KIF24: variants seen among roughly 807,000 people sequenced by gnomAD.
KIF24 encodes kinesin family member 24, also known as kinesin-like protein KIF24.
Under a neutral mutation model 118.9 loss-of-function variants are expected in KIF24, and 81 were observed. That is an observed-to-expected ratio of 0.68 (90% CI 0.57 to 0.82). The LOEUF is 0.82. Ranked by LOEUF, KIF24 falls within the 40% of genes least tolerant of loss-of-function variation. The pLI, the probability that KIF24 is intolerant of heterozygous loss-of-function variation, is 0.00. For synonymous variants in KIF24, 599 were observed against 610.0 expected (o/e 0.98, Z 0.27); for missense variants, 1,560 against 1,661.6 (o/e 0.94, Z 1.06).
At chr9:34,292,032 G>A (rs1836273980) in intron 4 of KIF24, among the ~76,000 whole-genome samples, 1 of 152,120 alleles carries the variant, frequency 6.6e-6, no homozygotes, top group Non-Finnish European at 1.5e-5. Flanking sequence ...TTTCACCCTG[G>A]CAATGTCAAT....
chr9:34,317,044 G>A (rs1007696762), intron 1 of KIF24, among the ~76,000 whole-genome samples: 9 of 151,974 alleles, frequency 5.9e-5, no homozygotes, highest in Admixed American at 1.3e-4. Flanking sequence ...GTGAAACGCC[G>A]TCTCTGCTAA....
chr9:34,280,417 G>A (rs1382581750), intron 6 of KIF24, among the ~76,000 whole-genome samples: 1 of 151,212 alleles, frequency 6.6e-6, no homozygotes, highest in African/African-American at 2.4e-5. Context: ...CTGAGTGTTT[G>A]CTTCTTTCGC....
rs989522043 is a variant in KIF24, at chr9:34,329,214, C to A, written c.-134G>T. ...AACAGTCCCGTCAACCCGGGAGCCA[C>A]CGGCGGCGGCCAGGCCGCATCTCCA... On this transcript the variant is annotated 5_prime_UTR_variant, in exon 1 of 13. Coordinates refer to ENST00000402558, the MANE Select transcript of KIF24 (RefSeq NM_194313.4). Among the ~76,000 whole-genome samples the A allele has an allele frequency of 3.3e-5, 5 of 152,252 alleles. No homozygotes were observed. Among genetic ancestry groups the A allele is most frequent in the East Asian group, 3.8e-4 (2 of 5,202 alleles).
At chr9:34,300,165 A>C (rs1398349796) in intron 3 of KIF24, among the ~76,000 whole-genome samples, 2 of 152,186 alleles carry the variant, frequency 1.3e-5, no homozygotes, top group Non-Finnish European at 2.9e-5. Context: ...CAAGTTAGAG[A>C]AAAAGTTACA....
chr9:34,266,552 C>T (rs183817482), intron 8 of KIF24, among the ~76,000 whole-genome samples: 1 of 152,056 alleles, frequency 6.6e-6, no homozygotes, highest in Admixed American at 6.6e-5. Flanking sequence ...GTGGCAGGTG[C>T]CTGTAATCCC....
chr9:34,316,044 A>T (rs544170943), intron 1 of KIF24, among the ~76,000 whole-genome samples: 2 of 149,286 alleles, frequency 1.3e-5, no homozygotes, highest in East Asian at 2.0e-4. Flanking sequence ...CAAAAAAAAA[A>T]ATTTTTTTAG....
rs576528958 is a variant in KIF24, at chr9:34,311,684, A to C, written c.-25-313T>G. ...TACATATATACGTGTATATGTATAT[A>C]TATACGTATATATGTACATATATAC... On this transcript the variant is annotated intron_variant, in intron 1 of 12. Transcript: ENST00000402558. 3.8e-3 allele frequency among the ~76,000 whole-genome samples: 571 copies of C among 148,474 alleles called. 1 individual carries two copies. The highest frequency in any genetic ancestry group is 0.013 in the African/African-American group (539 of 40,872).
chr9:34,312,909 G>A (rs1837216464), intron 1 of KIF24, among the ~76,000 whole-genome samples: 1 of 152,154 alleles, frequency 6.6e-6, no homozygotes, highest in Admixed American at 6.5e-5. Flanking sequence ...ATGTTGGCCA[G>A]GCTGGTCTCG....
intron 1 of KIF24, among the ~76,000 whole-genome samples, chr9:34,323,749 C>T (rs1428864089): frequency 6.6e-6 from 1 of 152,112 alleles, no homozygotes; most frequent in South Asian, 2.1e-4. Context: ...GGAGTGACAT[C>T]GAGAAAGCAA....
At chr9:34,306,193 CAA>C in intron 3 of KIF24, 57 bp downstream of exon 3, 4 of 1,186,038 alleles carry the variant, frequency 3.4e-6, no homozygotes, top group Non-Finnish European at 3.6e-6. Context: ...AAACAAAAAG[CAA>C]AAAAAAATGA....
intron 1 of KIF24, among the ~76,000 whole-genome samples, chr9:34,327,797 T>TGCACTA (rs1425492802): frequency 6.6e-6 from 1 of 151,188 alleles, no homozygotes; most frequent in African/African-American, 2.4e-5. Context: ...ATCATGCTAG[T>TGCACTA]GCACTACAGC....
In KIF24 at chr9:34,255,865, T is replaced by C. The variant is rs1217541049; in HGVS notation, c.3742A>G (p.Ser1248Gly). ...STDPIKLPCN[S>G]ENVTWLKPRP... The stretch of plus-strand genomic sequence containing the variant: ...GGTTTGAGCCATGTGACATTTTCAC[T>C]GTTGCAGGGCAACTTGATGGGGTCT... The change falls in exon 11 of 13, where the codon AGT becomes GGT. Residue 1248 changes from serine to glycine, a missense_variant. Around this residue, in one of 3 missense-constraint regions of KIF24, gnomAD observed 591 missense variants for 655.6 expected, o/e 0.90. Transcript: ENST00000402558. 3.7e-6 allele frequency: 6 copies of C among 1,614,048 alleles called. No individual in the cohort carries two copies. The highest frequency in any genetic ancestry group is 5.1e-6 in the Non-Finnish European group (6 of 1,179,886).
chr9:34,255,729 A>G lies in KIF24; in HGVS notation c.3872+6T>C. The G allele has an allele frequency of 1.9e-6, 3 of 1,602,600 alleles. No individual in the cohort carries two copies. The highest frequency in any genetic ancestry group is 2.6e-6 in the Non-Finnish European group (3 of 1,173,862). On this transcript the variant is annotated splice_donor_region_variant and intron_variant, in intron 11 of 12. Coordinates refer to ENST00000402558, the MANE Select transcript of KIF24 (RefSeq NM_194313.4). ...GCTCAAGTCTTAGGGAAAGTGTCCAACTTACTGCGCTTGCTCCAGGGTGGG... is the reference window on the plus strand; with the variant it reads ...GCTCAAGTCTTAGGGAAAGTGTCCAGCTTACTGCGCTTGCTCCAGGGTGGG...
At chr9:34,330,683 C>T (rs1298059496), upstream of KIF24, among the ~76,000 whole-genome samples, 1 of 152,172 alleles carries the variant, frequency 6.6e-6, no homozygotes, top group East Asian at 1.9e-4. Flanking sequence ...TGGTAGCGGC[C>T]GGGCGCGGTG....
Position 34,269,252 on chromosome 9 carries a change from C to T in KIF24, c.1443+5G>A, listed in dbSNP as rs1431062115. The stretch of plus-strand genomic sequence containing the variant: ...TTTTTAGATTAAAGATTTTGAACAA[C>T]TTACAGCCAGTAGACTCTGATTTAT... On this transcript the variant is annotated splice_donor_5th_base_variant and intron_variant, in intron 8 of 12. Coordinates refer to ENST00000402558, the MANE Select transcript of KIF24 (RefSeq NM_194313.4). 2.6e-6 allele frequency: 4 copies of T among 1,562,076 alleles called. No individual in the cohort carries two copies. Among genetic ancestry groups the T allele is most frequent in the Admixed American group, 3.4e-5 (2 of 58,652 alleles).
chr9:34,286,509 GC>G, intron 6 of KIF24, 107 bp downstream of exon 6: 1 of 717,460 alleles, frequency 1.4e-6, no homozygotes, highest in Non-Finnish European at 2.5e-6. Context: ...GCTTGTCATT[GC>G]CCTTTGCCTA....
intron 1 of KIF24, among the ~76,000 whole-genome samples, chr9:34,321,241 A>G (rs1837509489): frequency 6.6e-6 from 1 of 152,170 alleles, no homozygotes; most frequent in Admixed American, 6.6e-5. Context: ...TATTTCAAAT[A>G]TCTGTCAGTA....
intron 1 of KIF24, among the ~76,000 whole-genome samples, chr9:34,311,769 TATATATACAC>T (rs1396351398): frequency 1.5e-4 from 22 of 147,778 alleles, no homozygotes; most frequent in Non-Finnish European, 2.4e-4. Context: ...TATATATACA[TATATATACAC>T]ATATATATAC....
chr9:34,320,818 C>T (rs1837496103), intron 1 of KIF24, among the ~76,000 whole-genome samples: 1 of 152,094 alleles, frequency 6.6e-6, no homozygotes, highest in Non-Finnish European at 1.5e-5. Flanking sequence ...CAAAATGTTA[C>T]TGAAATGACC....
Sources: gnomAD v4.1 joint callset for allele counts (sites outside exome capture counted in the v4.1 genomes callset) on GRCh38, gnomAD v4.1.1 for gene constraint, gnomAD v4.1.1 regional missense constraint, MANE v1.5 for transcripts, NCBI Gene and HGNC (gene_info 2026-07-23, HGNC 2026-07-21) for gene names.